The following EDEM2 variants were observed in gnomAD, a reference collection of about 807,000 sequenced individuals.
EDEM2 encodes the protein ER degradation enhancing alpha-mannosidase like protein 2.
In EDEM2, 39 loss-of-function variants were observed where a neutral mutation model predicts 64.8. The ratio of observed to expected loss-of-function variants is 0.60; its 90% CI spans 0.47 to 0.79. The LOEUF is 0.79. Ranked by LOEUF, EDEM2 falls within the 30% of genes least tolerant of loss-of-function variation. The pLI is 0.00. For synonymous variants in EDEM2, 296 were observed against 291.5 expected (o/e 1.02, Z -0.16); for missense variants, 609 against 731.3 (o/e 0.83, Z 1.93).
At chr20:35,128,111 C>T (rs553926709) in intron 7 of EDEM2, among the ~76,000 whole-genome samples, 26 of 152,200 alleles carry the variant, frequency 1.7e-4, no homozygotes, top group African/African-American at 4.3e-4. Context: ...GTCGGCTGGG[C>T]GTGGTGGCTC....
chr20:35,120,821 C>T (rs2146088516), intron 9 of EDEM2, among the ~76,000 whole-genome samples: 1 of 152,242 alleles, frequency 6.6e-6, no homozygotes, highest in African/African-American at 2.4e-5. Context: ...TGGTCTCGAA[C>T]TCCTGACCTC....
In EDEM2 at chr20:35,147,279, G is replaced by A. The variant is rs890552650; in HGVS notation, c.-21C>T. 81 of 1,495,526 alleles carry A rather than the reference G, an allele frequency of 5.4e-5. No homozygotes were observed. The highest frequency in any genetic ancestry group is 7.4e-5 in the East Asian group (3 of 40,464). The allele number at this position is 1,495,526 out of a possible 1,614,324, so 92.6% of individuals were successfully genotyped here. A position where few individuals can be genotyped will look rare whatever the true frequency, so the allele number is the denominator to read the frequency against. ...GGCATAGAGCTCGTGTCCTCTCAGCGCCCCCGCAGCAGCAGCAGCCACTGC... is the reference window on the plus strand; with the variant it reads ...GGCATAGAGCTCGTGTCCTCTCAGCACCCCCGCAGCAGCAGCAGCCACTGC... On this transcript the variant is annotated 5_prime_UTR_variant, in exon 1 of 11. Transcript: ENST00000374492.
intron 7 of EDEM2, among the ~76,000 whole-genome samples, chr20:35,127,824 C>T (rs2085454905): frequency 1.3e-5 from 2 of 152,152 alleles, no homozygotes; most frequent in African/African-American, 2.4e-5. Flanking sequence ...TGTTGGTCAA[C>T]ACTGAACTGT....
intron 6 of EDEM2, among the ~76,000 whole-genome samples, chr20:35,132,177 T>C (rs922207018): frequency 6.6e-6 from 1 of 152,090 alleles, no homozygotes; most frequent in Non-Finnish European, 1.5e-5. Flanking sequence ...GCTTTACGTA[T>C]TTCCATAAAT....
intron 1 of EDEM2, 72 bp from the exon 2 acceptor site, chr20:35,147,007 G>A: frequency 6.4e-7 from 1 of 1,565,298 alleles, no homozygotes; most frequent in Non-Finnish European, 8.7e-7. Context: ...AAGATACAGG[G>A]CGGAAAGTGG....
intron 5 of EDEM2, among the ~76,000 whole-genome samples, chr20:35,135,350 TAAGCCCCGTTCA>T (rs2085561628): frequency 6.6e-6 from 1 of 152,014 alleles, no homozygotes; most frequent in Non-Finnish European, 1.5e-5. Context: ...ATGACAAGAG[TAAGCCCCGTTCA>T]AAGCCATTCA....
intron 10 of EDEM2, among the ~76,000 whole-genome samples, chr20:35,116,336 T>C (rs2085309226): frequency 6.6e-6 from 1 of 152,152 alleles, no homozygotes; most frequent in South Asian, 2.1e-4. Context: ...TAAGTCTTCC[T>C]GTCAATTCTC....
At chr20:35,146,002 C>CAAAAAA (rs138113879) in intron 2 of EDEM2, among the ~76,000 whole-genome samples, 12 of 82,768 alleles carry the variant, frequency 1.4e-4, no homozygotes, top group East Asian at 4.1e-4. Flanking sequence ...AACTCCATCT[C>CAAAAAA]AAAAAAAAAA....
chr20:35,118,470 C>T, intron 10 of EDEM2, 128 bp downstream of exon 10: 1 of 1,385,788 alleles, frequency 7.2e-7, no homozygotes, highest in Non-Finnish European at 1.0e-6. Flanking sequence ...AAAATATGAG[C>T]ATTATGTATA....
At chr20:35,144,941 T>C in intron 3 of EDEM2, 38 bp downstream of exon 3, 2 of 1,609,872 alleles carry the variant, frequency 1.2e-6, no homozygotes, top group Non-Finnish European at 1.7e-6. Flanking sequence ...GTTGGTTATG[T>C]AACAGTGGAA....
intron 8 of EDEM2, among the ~76,000 whole-genome samples, chr20:35,125,313 A>C (rs1282661715): frequency 6.6e-6 from 1 of 151,692 alleles, no homozygotes; most frequent in East Asian, 1.9e-4. Flanking sequence ...CTTCCACTGC[A>C]GTCTCCTGAG....
At chr20:35,145,782 G>T (rs1392745360) in intron 2 of EDEM2, among the ~76,000 whole-genome samples, 1 of 152,114 alleles carries the variant, frequency 6.6e-6, no homozygotes, top group Non-Finnish European at 1.5e-5. Flanking sequence ...GGCCTAGGTG[G>T]GTGGATCACC....
chr20:35,115,832 G>A lies in EDEM2; in HGVS notation c.1338C>T (p.Phe446=). ...YLYLLFDPTN[F]IHNNGSTFDA... is the part of the protein sequence containing the mutation. ...CGAAGGTGGACCCATTGTTGTGGAT[G>A]AAGTTGGTTGGGTCAAACAGGAGGT... is the stretch of plus-strand genomic sequence containing the variant. The change falls in exon 11 of 11, where the codon TTC becomes TTT. Residue 446 remains phenylalanine (F), a synonymous_variant. Transcript: ENST00000374492. The A allele has an allele frequency of 1.2e-6, 2 of 1,614,218 alleles. No individual in the cohort carries two copies. The highest frequency in any genetic ancestry group is 1.7e-6 in the Non-Finnish European group (2 of 1,180,044).
chr20:35,142,286 C>T, intron 4 of EDEM2, 87 bp downstream of exon 4: 1 of 1,100,830 alleles, frequency 9.1e-7, no homozygotes, highest in Non-Finnish European at 1.3e-6. Context: ...CATGGTCAGT[C>T]CTTAAAATCC....
chr20:35,123,368 G>A (rs113822426), intron 9 of EDEM2, among the ~76,000 whole-genome samples: 14,008 of 152,126 alleles, frequency 0.092, 2,166 homozygotes, highest in African/African-American at 0.32. Context: ...CAAGGTGGGC[G>A]GATCACCTGA....
At chr20:35,142,227 G>T (rs2085664132) in intron 4 of EDEM2, 146 bp downstream of exon 4, 2 of 658,090 alleles carry the variant, frequency 3.0e-6, no homozygotes, top group Non-Finnish European at 5.3e-6. Flanking sequence ...TCACCCTCCA[G>T]GAGGGAAGAA....
At chr20:35,128,207 C>T (rs545251068) in intron 7 of EDEM2, among the ~76,000 whole-genome samples, 46 of 151,972 alleles carry the variant, frequency 3.0e-4, no homozygotes, top group South Asian at 2.3e-3. Context: ...ACGGTGAAAC[C>T]CCATCTCTAC....
chr20:35,131,811 A>G lies in EDEM2; in HGVS notation c.703-28T>C, dbSNP rs1456611315. The G allele has an allele frequency of 3.1e-6, 5 of 1,606,756 alleles. No homozygotes were observed. The African/African-American group carries it at 5.4e-5, about 17-fold the overall frequency. ...GAGAGAGAGAAAGACACACGGTCCCAACGGGAAGGCCGATGGCCAAAGAAG... is the reference window on the plus strand; with the variant it reads ...GAGAGAGAGAAAGACACACGGTCCCGACGGGAAGGCCGATGGCCAAAGAAG... On this transcript the variant is annotated intron_variant, in intron 6 of 10. Coordinates refer to ENST00000374492, the MANE Select transcript of EDEM2 (RefSeq NM_018217.3).
At chr20:35,118,822 A>C in intron 9 of EDEM2, 103 bp from the exon 10 acceptor site, 2 of 1,513,086 alleles carry the variant, frequency 1.3e-6, no homozygotes, top group Non-Finnish European at 1.8e-6. Flanking sequence ...TCTTGTCCAT[A>C]AGGCCCCAAC....
Sources: gnomAD v4.1 joint callset for allele counts (sites outside exome capture counted in the v4.1 genomes callset) on GRCh38, gnomAD v4.1.1 for gene constraint, MANE v1.5 for transcripts, NCBI Gene and HGNC (gene_info 2026-07-23, HGNC 2026-07-21) for gene names.